MSN: variants seen among roughly 807,000 people sequenced by gnomAD.
The protein encoded by MSN is moesin, also known as epididymis luminal protein 70.
A neutral mutation model predicts 48.0 loss-of-function variants in MSN; 2 were observed. The ratio of observed to expected loss-of-function variants is 0.04; its 90% CI spans 0.02 to 0.13. The LOEUF (loss-of-function observed/expected upper bound fraction) is 0.13, where lower values mean the gene tolerates loss of function less well. MSN is among the 10% of genes least tolerant of loss of function. The pLI is 1.00. For missense variants in MSN, 267 were observed against 470.1 expected, an observed-to-expected ratio of 0.57 and a Z score of 3.99; for synonymous variants, 146 against 166.9, an observed-to-expected ratio of 0.87 and a Z score of 0.97.
intron 1 of MSN, among the ~76,000 whole-genome samples, chrX:65,639,192 G>A (rs1485851596): frequency 9.0e-6 from 1 of 111,492 alleles, no homozygotes; most frequent in African/African-American, 3.3e-5. Flanking sequence ...TGCCCAGGCT[G>A]GAGTGCAATG....
chrX:65,588,548 C>T (rs1475269935), exon 1 of MSN: 7 of 806,026 alleles, frequency 8.7e-6, no homozygotes, highest in Non-Finnish European at 1.0e-5. Context: ...CACCTCCAGC[C>T]CCGCCGCTCA....
Position 65,707,333 on chromosome X carries a change from G to A in MSN, c.13-9485G>A, listed in dbSNP as rs143459523. Reference sequence around the variant, plus strand: ...ATGTTGAATTGCTCAGTAAATAACAGTGGGCTTATTGTTCTTGGGCAACAG... The same window carrying A: ...ATGTTGAATTGCTCAGTAAATAACAATGGGCTTATTGTTCTTGGGCAACAG... On this transcript the variant is annotated intron_variant, in intron 1 of 12. Transcript: ENST00000360270. 8.6e-3 allele frequency among the ~76,000 whole-genome samples: 958 copies of A among 111,296 alleles called. 15 individuals are homozygous for A. Among genetic ancestry groups the A allele is most frequent in the African/African-American group, 0.029 (898 of 30,541 alleles).
intron 4 of MSN, 50 bp downstream of exon 4, chrX:65,729,762 C>T (rs768963417): frequency 8.8e-7 from 1 of 1,141,166 alleles, no homozygotes; most frequent in Non-Finnish European, 1.2e-6. Flanking sequence ...GGGCTGCAGC[C>T]CACAGCTGAC....
chrX:65,640,667 T>C (rs760988560), intron 1 of MSN, among the ~76,000 whole-genome samples: 2 of 111,958 alleles, frequency 1.8e-5, no homozygotes, highest in Non-Finnish European at 3.8e-5. Flanking sequence ...TATTATCATA[T>C]CTCAGTTTAT....
chrX:65,650,606 C>CTGTGCTGGGTGCTACAATG (rs2070735355), intron 1 of MSN, among the ~76,000 whole-genome samples: 1 of 112,219 alleles, frequency 8.9e-6, no homozygotes, highest in Non-Finnish European at 1.9e-5. Context: ...AGGTCCTACT[C>CTGTGCTGGGTGCTACAATG]TGTGCTGGGT....
chrX:65,717,493 A>G (rs1468646466), intron 2 of MSN, among the ~76,000 whole-genome samples: 1 of 112,381 alleles, frequency 8.9e-6, no homozygotes, highest in Non-Finnish European at 1.9e-5. Flanking sequence ...TGCCATGAAG[A>G]TAATTGCTTA....
At chrX:65,616,415 C>T (rs1288926070) in intron 1 of MSN, among the ~76,000 whole-genome samples, 1 of 84,367 alleles carries the variant, frequency 1.2e-5, no homozygotes. Context: ...TTGAAGAGGT[C>T]CTTCACATCC....
intron 1 of MSN, among the ~76,000 whole-genome samples, chrX:65,647,783 A>T (rs2070705861): frequency 8.9e-6 from 1 of 112,005 alleles, no homozygotes; most frequent in Non-Finnish European, 1.9e-5. Flanking sequence ...GAGTTGGTAG[A>T]GAGAGGCTAG....
intron 1 of MSN, among the ~76,000 whole-genome samples, chrX:65,640,074 G>T (rs1018809220): frequency 9.3e-6 from 1 of 107,311 alleles, no homozygotes; most frequent in African/African-American, 3.8e-5. Context: ...TATGGATAAA[G>T]AAAGGGGGTC....
Position 65,729,715 on chromosome X carries a change from G to A in MSN, c.467+3G>A, listed in dbSNP as rs768010742. Reference sequence around the variant, plus strand: ...GGAGACAAGTTGCTCCCGCAGAGGTGAGGTGGTTCCCTGCCCTCCTTTGCC... The same window carrying A: ...GGAGACAAGTTGCTCCCGCAGAGGTAAGGTGGTTCCCTGCCCTCCTTTGCC... On this transcript the variant is annotated splice_donor_region_variant and intron_variant, in intron 4 of 12. Transcript: ENST00000360270. 2.7e-5 allele frequency: 32 copies of A among 1,206,482 alleles called. No homozygotes were observed. Among genetic ancestry groups the A allele is most frequent in the Non-Finnish European group, 3.6e-5 (32 of 892,901 alleles).
intron 1 of MSN, among the ~76,000 whole-genome samples, chrX:65,651,986 C>T (rs1430954504): frequency 9.2e-6 from 1 of 108,121 alleles, no homozygotes; most frequent in Non-Finnish European, 1.9e-5. Context: ...CATGGTGGCT[C>T]ACGCCTGTAA....
At chrX:65,635,906 A>G (rs1448617616) in intron 1 of MSN, among the ~76,000 whole-genome samples, 1 of 112,342 alleles carries the variant, frequency 8.9e-6, no homozygotes, top group Non-Finnish European at 1.9e-5. Flanking sequence ...CACCCCTTCA[A>G]TATTTATATG....
At chrX:65,719,691 G>C (rs2071498680) in intron 2 of MSN, among the ~76,000 whole-genome samples, 2 of 111,333 alleles carry the variant, frequency 1.8e-5, no homozygotes, top group Admixed American at 1.9e-4. Flanking sequence ...GGAGCCAGAG[G>C]CTCCTTTGAC....
At chrX:65,623,834 G>A (rs1043878364) in intron 1 of MSN, among the ~76,000 whole-genome samples, 1 of 108,935 alleles carries the variant, frequency 9.2e-6, no homozygotes, top group Non-Finnish European at 1.9e-5. Flanking sequence ...AAAAATTTTG[G>A]AATTTATAAG....
intron 1 of MSN, among the ~76,000 whole-genome samples, chrX:65,629,615 C>T (rs1210930809): frequency 8.9e-6 from 1 of 111,732 alleles, no homozygotes; most frequent in Non-Finnish European, 1.9e-5. Context: ...GCCTCAGAAC[C>T]ATGGCAGGAG....
intron 1 of MSN, among the ~76,000 whole-genome samples, chrX:65,661,687 T>C (rs1489227693): frequency 8.9e-6 from 1 of 111,984 alleles, no homozygotes; most frequent in Non-Finnish European, 1.9e-5. Flanking sequence ...TCAGTAGAAC[T>C]GGTACCAGTT....
chrX:65,593,946 A>C (rs2148348489), intron 1 of MSN, among the ~76,000 whole-genome samples: 1 of 112,224 alleles, frequency 8.9e-6, no homozygotes, highest in African/African-American at 3.2e-5. Flanking sequence ...GGAGAGAAAA[A>C]CTTTTTGTTT....
chrX:65,648,735 C>T (rs953104472), intron 1 of MSN, among the ~76,000 whole-genome samples: 93 of 108,309 alleles, frequency 8.6e-4, no homozygotes, highest in Non-Finnish European at 2.5e-4. Flanking sequence ...TGGTGGCACG[C>T]ACTTGTAATC....
chrX:65,736,928 G>A lies in MSN; in HGVS notation c.1090+3G>A, dbSNP rs1292375469. ...ACAGACTAAGAAGGCTCAGCAAGGTGAGGCTTGGAGTCACCTTGGAGATTG... is the reference window on the plus strand; with the variant it reads ...ACAGACTAAGAAGGCTCAGCAAGGTAAGGCTTGGAGTCACCTTGGAGATTG... On this transcript the variant is annotated splice_donor_region_variant and intron_variant, in intron 9 of 12. Coordinates refer to ENST00000360270, the MANE Select transcript of MSN (RefSeq NM_002444.3). 4.1e-6 allele frequency: 5 copies of A among 1,208,841 alleles called. No homozygotes were observed. The highest frequency in any genetic ancestry group is 2.2e-5 in the Admixed American group (1 of 45,703).
Sources: gnomAD v4.1 joint callset for allele counts (sites outside exome capture counted in the v4.1 genomes callset) on GRCh38, gnomAD v4.1.1 for gene constraint, MANE v1.5 for transcripts, NCBI Gene and HGNC (gene_info 2026-07-23, HGNC 2026-07-21) for gene names.